The following SGCZ variants were observed in gnomAD, a reference collection of about 807,000 sequenced individuals.
The protein encoded by SGCZ is zeta-sarcoglycan.
A neutral mutation model predicts 41.3 loss-of-function variants in SGCZ; 40 were observed. That is an observed-to-expected ratio of 0.97 (90% CI 0.75 to 1.26). SGCZ has a LOEUF of 1.26. SGCZ is among the 50% of genes most tolerant of loss of function. SGCZ has a pLI of 0.00. For missense variants in SGCZ, 552 were observed against 369.8 expected, an observed-to-expected ratio of 1.49 and a Z score of -4.04; for synonymous variants, 206 against 137.5, an observed-to-expected ratio of 1.50 and a Z score of -3.49.
chr8:14,192,241 A>T (rs1563177512), intron 4 of SGCZ, among the ~76,000 whole-genome samples: 1 of 152,018 alleles, frequency 6.6e-6, no homozygotes, highest in African/African-American at 2.4e-5. Flanking sequence ...TATGCTTACC[A>T]AATTTTTGCA....
At chr8:14,518,873 A>G (rs1802703303) in intron 2 of SGCZ, among the ~76,000 whole-genome samples, 3 of 141,866 alleles carry the variant, frequency 2.1e-5, no homozygotes, top group Non-Finnish European at 1.5e-5. Context: ...CCTGGCCAAC[A>G]TGGCGAAACC....
chr8:14,594,670 C>G (rs897461026), intron 1 of SGCZ, among the ~76,000 whole-genome samples: 1 of 151,794 alleles, frequency 6.6e-6, no homozygotes, highest in Admixed American at 6.6e-5. Context: ...TCTAAAAGGG[C>G]ATGGGTTACT....
intron 3 of SGCZ, among the ~76,000 whole-genome samples, chr8:14,279,410 G>T (rs1279678460): frequency 1.3e-5 from 2 of 151,922 alleles, no homozygotes; most frequent in African/African-American, 4.8e-5. Flanking sequence ...GGGACATTTT[G>T]AACTCTTTAG....
chr8:15,151,775 T>C (rs997886850), intron 1 of SGCZ, among the ~76,000 whole-genome samples: 1 of 152,202 alleles, frequency 6.6e-6, no homozygotes, highest in Non-Finnish European at 1.5e-5. Context: ...AATAAATATA[T>C]TGAATTAAGA....
intron 2 of SGCZ, among the ~76,000 whole-genome samples, chr8:14,521,686 G>C (rs1158089649): frequency 6.6e-6 from 1 of 152,076 alleles, no homozygotes; most frequent in Non-Finnish European, 1.5e-5. Context: ...TCATGTGATA[G>C]TTAGATGGTT....
chr8:15,223,408 T>C (rs1801667337), intron 1 of SGCZ, among the ~76,000 whole-genome samples: 1 of 152,184 alleles, frequency 6.6e-6, no homozygotes, highest in Non-Finnish European at 1.5e-5. Flanking sequence ...CAAAGACGAC[T>C]CCTTGTGTGA....
At chr8:15,018,531 G>A (rs1029637592) in intron 1 of SGCZ, among the ~76,000 whole-genome samples, 1 of 152,200 alleles carries the variant, frequency 6.6e-6, no homozygotes, top group African/African-American at 2.4e-5. Context: ...TGGTGGAGGA[G>A]CAGTCTAGGC....
intron 1 of SGCZ, among the ~76,000 whole-genome samples, chr8:14,955,109 T>A (rs940521306): frequency 6.6e-6 from 1 of 152,150 alleles, no homozygotes; most frequent in African/African-American, 2.4e-5. Context: ...ATAGTAATAA[T>A]CATTCCCTTT....
At chr8:14,666,619 G>C (rs1807918973) in intron 1 of SGCZ, among the ~76,000 whole-genome samples, 1 of 148,562 alleles carries the variant, frequency 6.7e-6, no homozygotes. Flanking sequence ...CTGAGAAGGA[G>C]AGCACAAGTT....
chr8:14,570,970 A>G (rs1205285082), intron 1 of SGCZ, among the ~76,000 whole-genome samples: 1 of 152,218 alleles, frequency 6.6e-6, no homozygotes, highest in Non-Finnish European at 1.5e-5. Context: ...TGACTTTCAT[A>G]CTTTTCTCAC....
chr8:15,136,572 A>G (rs1808114369), intron 1 of SGCZ, among the ~76,000 whole-genome samples: 1 of 152,084 alleles, frequency 6.6e-6, no homozygotes, highest in Non-Finnish European at 1.5e-5. Context: ...AGCTGGAGGT[A>G]ACTGAATCAT....
At chr8:14,102,764 G>A (rs561514017) in intron 6 of SGCZ, among the ~76,000 whole-genome samples, 1 of 151,946 alleles carries the variant, frequency 6.6e-6, no homozygotes, top group Non-Finnish European at 1.5e-5. Context: ...ATGACAATTT[G>A]CTTATGGTTT....
intron 3 of SGCZ, among the ~76,000 whole-genome samples, chr8:14,274,576 A>C (rs951914106): frequency 1.1e-4 from 17 of 152,156 alleles, no homozygotes; most frequent in African/African-American, 3.6e-4. Context: ...TTAGTTTCCT[A>C]ACCATGTTAT....
chr8:14,275,400 C>T, intron 3 of SGCZ, among the ~76,000 whole-genome samples: 1 of 152,098 alleles, frequency 6.6e-6, no homozygotes. Flanking sequence ...ATTTAATCTA[C>T]TGTACAATCT....
chr8:14,525,426 A>T (rs1182091559), intron 2 of SGCZ, among the ~76,000 whole-genome samples: 1 of 152,178 alleles, frequency 6.6e-6, no homozygotes, highest in Admixed American at 6.6e-5. Flanking sequence ...AAAGATTATT[A>T]TGTATGTTAT....
chr8:14,711,922 G>A (rs1290853920), intron 1 of SGCZ, among the ~76,000 whole-genome samples: 1 of 152,058 alleles, frequency 6.6e-6, no homozygotes, highest in Non-Finnish European at 1.5e-5. Flanking sequence ...TCCTATGTAG[G>A]CAAACCAAAA....
intron 1 of SGCZ, among the ~76,000 whole-genome samples, chr8:15,019,981 A>C (rs541681178): frequency 1.3e-5 from 2 of 151,884 alleles, no homozygotes; most frequent in Admixed American, 6.6e-5. Context: ...AAATGCATAT[A>C]TGATTTTACT....
At chr8:14,928,323 C>A (rs1159301950) in intron 1 of SGCZ, among the ~76,000 whole-genome samples, 1 of 152,088 alleles carries the variant, frequency 6.6e-6, no homozygotes, top group African/African-American at 2.4e-5. Context: ...AATATGCTAG[C>A]CTTTTGTTTC....
chr8:14,166,505 T>G (rs1419084116), intron 4 of SGCZ, among the ~76,000 whole-genome samples: 1 of 152,168 alleles, frequency 6.6e-6, no homozygotes, highest in Non-Finnish European at 1.5e-5. Context: ...CAGGCACACA[T>G]TAACCCTGAA....
Sources: gnomAD v4.1 joint callset for allele counts (sites outside exome capture counted in the v4.1 genomes callset) on GRCh38, gnomAD v4.1.1 for gene constraint, MANE v1.5 for transcripts, NCBI Gene and HGNC (gene_info 2026-07-23, HGNC 2026-07-21) for gene names.